PDSS2: variants seen among roughly 807,000 people sequenced by gnomAD.
PDSS2 encodes the protein decaprenyl diphosphate synthase subunit 2.
A neutral mutation model predicts 44.5 loss-of-function variants in PDSS2; 31 were observed. The ratio of observed to expected loss-of-function variants is 0.70; its 90% CI spans 0.52 to 0.94. The LOEUF (loss-of-function observed/expected upper bound fraction) is 0.94, where lower values mean the gene tolerates loss of function less well. Ranked by LOEUF, PDSS2 falls within the 40% of genes least tolerant of loss-of-function variation. The pLI, the probability that PDSS2 is intolerant of heterozygous loss-of-function variation, is 0.00. For synonymous variants in PDSS2, 157 were observed against 180.3 expected (o/e 0.87, Z 1.03); for missense variants, 452 against 482.2 (o/e 0.94, Z 0.59).
At chr6:107,386,354 G>T in intron 1 of PDSS2, among the ~76,000 whole-genome samples, 1 of 145,442 alleles carries the variant, frequency 6.9e-6, no homozygotes. Context: ...GATGTAAATA[G>T]TTTTACATTG....
At chr6:107,248,275 G>A (rs541351196) in intron 3 of PDSS2, among the ~76,000 whole-genome samples, 11 of 152,134 alleles carry the variant, frequency 7.2e-5, no homozygotes, top group Non-Finnish European at 1.6e-4. Flanking sequence ...TCAAAGTGCT[G>A]GCAGGAATAA....
chr6:107,223,659 A>C (rs1773691741), intron 4 of PDSS2, among the ~76,000 whole-genome samples: 1 of 151,326 alleles, frequency 6.6e-6, no homozygotes, highest in Non-Finnish European at 1.5e-5. Context: ...GGCTGCAGTG[A>C]GACACGTTCA....
chr6:107,242,117 G>A (rs893919185), intron 4 of PDSS2, among the ~76,000 whole-genome samples: 5 of 152,062 alleles, frequency 3.3e-5, no homozygotes, highest in African/African-American at 4.8e-5. Context: ...AGCACACTCA[G>A]GAAAAAAAGC....
intron 3 of PDSS2, among the ~76,000 whole-genome samples, chr6:107,250,771 C>T (rs1399283954): frequency 1.3e-5 from 2 of 152,156 alleles, no homozygotes; most frequent in Non-Finnish European, 2.9e-5. Flanking sequence ...GCTGAATAGA[C>T]TCAACAGAGT....
At chr6:107,219,199 C>T (rs1042893151) in intron 4 of PDSS2, among the ~76,000 whole-genome samples, 77 of 152,304 alleles carry the variant, frequency 5.1e-4, no homozygotes, top group African/African-American at 1.5e-3. Context: ...CCATCTCCTA[C>T]ACAAAATATC....
At chr6:107,328,245 A>C (rs1244166829) in intron 2 of PDSS2, among the ~76,000 whole-genome samples, 2 of 152,244 alleles carry the variant, frequency 1.3e-5, no homozygotes, top group Non-Finnish European at 2.9e-5. Context: ...TCCACTTAAT[A>C]GACATGAGGC....
At chr6:107,228,135 C>G (rs1773898116) in intron 4 of PDSS2, among the ~76,000 whole-genome samples, 1 of 152,098 alleles carries the variant, frequency 6.6e-6, no homozygotes. Flanking sequence ...ACCTAGAGTG[C>G]CTCCAAATGG....
chr6:107,295,098 A>AT (rs1237413560), intron 2 of PDSS2, among the ~76,000 whole-genome samples: 1 of 151,930 alleles, frequency 6.6e-6, no homozygotes, highest in African/African-American at 2.4e-5. Flanking sequence ...AGCCCAGCTA[A>AT]TTTTTTTGTA....
At chr6:107,289,095 G>A (rs1470483001) in intron 2 of PDSS2, among the ~76,000 whole-genome samples, 9 of 149,734 alleles carry the variant, frequency 6.0e-5, no homozygotes, top group African/African-American at 9.8e-5. Flanking sequence ...AATGGAGGCC[G>A]GGCGTGGTGG....
chr6:107,274,689 T>C (rs140165054), intron 2 of PDSS2, among the ~76,000 whole-genome samples: 1 of 71,770 alleles, frequency 1.4e-5, no homozygotes, highest in African/African-American at 4.1e-5. Flanking sequence ...TTTTTTTTTG[T>C]TTAGATGGGG....
intron 1 of PDSS2, among the ~76,000 whole-genome samples, chr6:107,363,562 G>A (rs1349295356): frequency 6.6e-6 from 1 of 152,204 alleles, no homozygotes; most frequent in African/African-American, 2.4e-5. Flanking sequence ...CGCAGTGAGT[G>A]TTACAGCTCA....
chr6:107,445,116 T>C (rs1196883178), intron 1 of PDSS2, among the ~76,000 whole-genome samples: 1 of 151,980 alleles, frequency 6.6e-6, no homozygotes, highest in Middle Eastern at 3.2e-3. Flanking sequence ...CTAAAAGTAC[T>C]TAAATTTTAG....
intron 7 of PDSS2, among the ~76,000 whole-genome samples, chr6:107,162,380 C>A (rs1340429112): frequency 6.7e-6 from 1 of 149,754 alleles, no homozygotes; most frequent in Non-Finnish European, 1.5e-5. Flanking sequence ...GTAATCCCAG[C>A]TACTTGGGAG....
chr6:107,211,425 A>G (rs1773200278), intron 5 of PDSS2, among the ~76,000 whole-genome samples: 2 of 152,064 alleles, frequency 1.3e-5, no homozygotes, highest in South Asian at 4.1e-4. Context: ...TTTTCATAAC[A>G]TGTTTTATAT....
intron 2 of PDSS2, among the ~76,000 whole-genome samples, chr6:107,281,309 T>C (rs558184336): frequency 6.6e-6 from 1 of 152,316 alleles, no homozygotes; most frequent in South Asian, 2.1e-4. Flanking sequence ...AGCTCTGATG[T>C]GTCCACCTCT....
At chr6:107,320,348 T>C (rs983830776) in intron 2 of PDSS2, among the ~76,000 whole-genome samples, 1 of 152,224 alleles carries the variant, frequency 6.6e-6, no homozygotes, top group African/African-American at 2.4e-5. Flanking sequence ...TACAAATTAC[T>C]CATGGACAAG....
intron 1 of PDSS2, among the ~76,000 whole-genome samples, chr6:107,391,210 A>T (rs907683247): frequency 4.6e-5 from 7 of 152,090 alleles, no homozygotes; most frequent in Non-Finnish European, 7.4e-5. Context: ...AACTCTTAAG[A>T]TCAGTGGTGA....
chr6:107,262,825 T>TC, intron 3 of PDSS2, among the ~76,000 whole-genome samples: 1 of 152,070 alleles, frequency 6.6e-6, no homozygotes, highest in East Asian at 1.9e-4. Flanking sequence ...CTTACGCCTG[T>TC]CATCTCAACA....
intron 4 of PDSS2, among the ~76,000 whole-genome samples, chr6:107,243,412 T>C (rs1161997162): frequency 6.6e-6 from 1 of 152,180 alleles, no homozygotes; most frequent in Admixed American, 6.5e-5. Context: ...TAAAACATGG[T>C]CACACAATTA....
Sources: gnomAD v4.1 joint callset for allele counts (sites outside exome capture counted in the v4.1 genomes callset) on GRCh38, gnomAD v4.1.1 for gene constraint, MANE v1.5 for transcripts, NCBI Gene and HGNC (gene_info 2026-07-23, HGNC 2026-07-21) for gene names.